Variants in CYP20A1 observed in about 807,000 individuals in gnomAD.
CYP20A1 encodes the protein cytochrome P450 family 20 subfamily A member 1.
In CYP20A1, 61 loss-of-function variants were observed where a neutral mutation model predicts 61.4. That is an observed-to-expected ratio of 0.99 (90% CI 0.81 to 1.23). CYP20A1 has a LOEUF of 1.23. Ranked by LOEUF, CYP20A1 falls within the 50% of genes most tolerant of loss-of-function variation. The pLI is 0.00. For missense variants in CYP20A1, 530 were observed against 542.4 expected, an observed-to-expected ratio of 0.98 and a Z score of 0.23; for synonymous variants, 193 against 188.2, an observed-to-expected ratio of 1.03 and a Z score of -0.21.
At position 203,300,515 on chromosome 2, in the gene CYP20A1, T is replaced by C. The variant is rs2068977252; in HGVS notation, c.*3607T>C. On this transcript the variant is annotated 3_prime_UTR_variant, in exon 13 of 13. Coordinates refer to ENST00000356079, the MANE Select transcript of CYP20A1 (RefSeq NM_177538.3). ...AATTGATATTGAAGTAAGTAAGTTT[T>C]GTAGCTTTTGGAGTTTTTAAAAACT... 6.6e-6 allele frequency among the ~76,000 whole-genome samples: 1 copy of C among 152,216 alleles called. No individual in the cohort carries two copies. Among genetic ancestry groups the C allele is most frequent in the African/African-American group, 2.4e-5 (1 of 41,458 alleles).
Position 203,246,932 on chromosome 2 carries a change from T to C in CYP20A1, c.289+11T>C. 6.2e-7 allele frequency: 1 copy of C among 1,608,794 alleles called. No homozygotes were observed. Among genetic ancestry groups the C allele is most frequent in the Non-Finnish European group, 8.5e-7 (1 of 1,178,278 alleles). On this transcript the variant is annotated intron_variant, in intron 3 of 12. Transcript: ENST00000356079. ...ATCCCAATAAGACATGTAAGTTTAA[T>C]TTTCTTTCTAATTACCTGATCCTTA...
At chr2:203,251,660 T>G (rs1465351457) in intron 3 of CYP20A1, among the ~76,000 whole-genome samples, 4 of 149,462 alleles carry the variant, frequency 2.7e-5, no homozygotes, top group African/African-American at 9.8e-5. Flanking sequence ...TCCTAGCTAC[T>G]TGGGAGGCTG....
chr2:203,258,811 C>T (rs1321983612), intron 4 of CYP20A1, among the ~76,000 whole-genome samples: 2 of 152,204 alleles, frequency 1.3e-5, no homozygotes, highest in Non-Finnish European at 2.9e-5. Flanking sequence ...TGTTACCTCT[C>T]ATTTTCCTCC....
intron 4 of CYP20A1, among the ~76,000 whole-genome samples, chr2:203,258,264 T>C (rs954314527): frequency 1.3e-5 from 2 of 152,182 alleles, no homozygotes; most frequent in African/African-American, 2.4e-5. Context: ...CACATGCCTG[T>C]ATTCCCAACT....
chr2:203,274,026 G>A (rs2067712697), intron 6 of CYP20A1, among the ~76,000 whole-genome samples: 1 of 151,926 alleles, frequency 6.6e-6, no homozygotes, highest in African/African-American at 2.4e-5. Flanking sequence ...TTTCAATGTT[G>A]TTTGGCATTG....
At chr2:203,243,551 T>C (rs1051542918) in intron 1 of CYP20A1, among the ~76,000 whole-genome samples, 4 of 151,894 alleles carry the variant, frequency 2.6e-5, no homozygotes, top group Non-Finnish European at 5.9e-5. Context: ...GCCCTGTTAA[T>C]TTTTGTATTT....
intron 5 of CYP20A1, among the ~76,000 whole-genome samples, chr2:203,269,024 T>C (rs1362911745): frequency 6.6e-6 from 1 of 152,226 alleles, no homozygotes; most frequent in Non-Finnish European, 1.5e-5. Context: ...ACATCTTTCC[T>C]TCAGTTGCAT....
Position 203,296,516 on chromosome 2 carries a change from T to G in CYP20A1, c.1191T>G (p.Thr397=), listed in dbSNP as rs1416478003. ...DRFDDELVMK[T]FSSLGFSGTQ... is the part of the protein sequence containing the mutation. ...TTGATGATGAATTAGTAATGAAAAC[T>G]TTTTCCTCACTTGGATTCTCAGGCA... Residue 397 remains threonine, a synonymous_variant, in exon 12 of 13, where the codon ACT becomes ACG. Transcript: ENST00000356079. The G allele has an allele frequency of 2.2e-5, 35 of 1,612,732 alleles. No individual in the cohort carries two copies. Among genetic ancestry groups the G allele is most frequent in the Non-Finnish European group, 3.0e-5 (35 of 1,179,318 alleles).
At chr2:203,290,387 G>C (rs1235815750) in intron 10 of CYP20A1, among the ~76,000 whole-genome samples, 1 of 152,126 alleles carries the variant, frequency 6.6e-6, no homozygotes, top group Non-Finnish European at 1.5e-5. Context: ...AGGTACTACT[G>C]TTAGCAGTTT....
intron 11 of CYP20A1, among the ~76,000 whole-genome samples, chr2:203,294,053 A>G (rs1471130912): frequency 6.6e-6 from 1 of 152,000 alleles, no homozygotes; most frequent in African/African-American, 2.4e-5. Flanking sequence ...ATGTAAACAC[A>G]GGCTCACTGC....
At chr2:203,239,192 G>A in intron 1 of CYP20A1, 58 bp downstream of exon 1, 1 of 1,449,002 alleles carries the variant, frequency 6.9e-7, no homozygotes, top group African/African-American at 1.4e-5. Context: ...CTCTGTCGCC[G>A]GCATCCAGGC....
In CYP20A1 at chr2:203,292,399, T is replaced by C. The variant is rs925051063; in HGVS notation, c.1148+73T>C. On this transcript the variant is annotated intron_variant, in intron 11 of 12. Transcript: ENST00000356079. ...GCACGTTTTGCATTCCTTTCCTAAC[T>C]GTTGAGTAGAAAACTCAATATGTAG... is the stretch of plus-strand genomic sequence containing the variant. The C allele has an allele frequency of 4.7e-6, 5 of 1,072,094 alleles. No homozygotes were observed. The East Asian group carries it at 9.5e-5, about 20-fold the overall frequency. 66.4% of individuals were successfully genotyped at this position (1,072,094 alleles called of 1,614,324 possible).
In CYP20A1 at chr2:203,299,084, CTTATAAA is replaced by C. The variant is rs2152117843; in HGVS notation, c.*2179_*2185del. Among the ~76,000 whole-genome samples the C allele has an allele frequency of 6.6e-6, 1 of 152,150 alleles. No homozygotes were observed. The highest frequency in any genetic ancestry group is 1.9e-4 in the East Asian group (1 of 5,184). On this transcript the variant is annotated 3_prime_UTR_variant, in exon 13 of 13. Coordinates refer to ENST00000356079, the MANE Select transcript of CYP20A1 (RefSeq NM_177538.3). ...TGTCTTTCAAAATTACACTTTAGCA[CTTATAAA>C]TTTTATATATAATACTTTACTGATA...
At chr2:203,283,168 C>A (rs1293059680) in intron 8 of CYP20A1, among the ~76,000 whole-genome samples, 1 of 150,050 alleles carries the variant, frequency 6.7e-6, no homozygotes, top group East Asian at 2.0e-4. Context: ...CAGAGTGTGA[C>A]CCTATCTAAA....
At position 203,244,421 on chromosome 2, in the gene CYP20A1, A is replaced by G. The variant is rs952944483; in HGVS notation, c.73-1425A>G. Among the ~76,000 whole-genome samples, 3 of 151,932 alleles carry G rather than the reference A, an allele frequency of 2.0e-5. No individual in the cohort carries two copies. The South Asian group carries it at 6.2e-4, about 32-fold the overall frequency. Reference sequence around the variant, plus strand: ...TGCCATGTTTGTCAGGCTGGTCTTGAACTCCTGACCTCAAGTGATCATCCA... The same window carrying G: ...TGCCATGTTTGTCAGGCTGGTCTTGGACTCCTGACCTCAAGTGATCATCCA... On this transcript the variant is annotated intron_variant, in intron 1 of 12. Transcript: ENST00000356079.
chr2:203,277,333 G>A (rs1369186409), intron 6 of CYP20A1, among the ~76,000 whole-genome samples: 1 of 138,658 alleles, frequency 7.2e-6, no homozygotes, highest in Non-Finnish European at 1.5e-5. Context: ...GGGTGACAGA[G>A]GAACACTCTG....
At chr2:203,284,971 C>T (rs2152101903) in intron 8 of CYP20A1, among the ~76,000 whole-genome samples, 1 of 151,780 alleles carries the variant, frequency 6.6e-6, no homozygotes, top group East Asian at 1.9e-4. Flanking sequence ...GTCTTGAACT[C>T]CTGAGCCTAC....
intron 9 of CYP20A1, among the ~76,000 whole-genome samples, chr2:203,288,227 A>G (rs964609446): frequency 6.7e-6 from 1 of 149,054 alleles, no homozygotes; most frequent in Non-Finnish European, 1.5e-5. Flanking sequence ...CACCACACCT[A>G]GCTATTTTTT....
intron 1 of CYP20A1, among the ~76,000 whole-genome samples, chr2:203,242,861 T>C (rs1431717273): frequency 6.6e-6 from 1 of 152,132 alleles, no homozygotes; most frequent in Non-Finnish European, 1.5e-5. Context: ...TTCAATTCCT[T>C]TGCCCTGTAT....
Sources: allele counts gnomAD v4.1 joint callset (sites outside exome capture counted in the v4.1 genomes callset), GRCh38; gene constraint gnomAD v4.1.1; transcripts MANE v1.5; gene names NCBI Gene and HGNC (gene_info 2026-07-23, HGNC 2026-07-21).